Variants in KIFBP observed in about 807,000 individuals in gnomAD.
The protein encoded by KIFBP is KIF-binding protein.
In KIFBP, 46 loss-of-function variants were observed where a neutral mutation model predicts 58.9. The ratio of observed to expected loss-of-function variants is 0.78; its 90% CI spans 0.62 to 1.00. The LOEUF (loss-of-function observed/expected upper bound fraction) is 1.00, where lower values mean the gene tolerates loss of function less well. Among genes scored for constraint, KIFBP ranks in the 50% least tolerant of loss-of-function variants. The probability of loss-of-function intolerance (pLI) is 0.00; values close to 1 mark genes in which losing one functional copy is unlikely to be tolerated. For missense variants in KIFBP, 651 were observed against 752.9 expected (o/e 0.86, Z 1.58); for synonymous variants, 241 against 283.4 (o/e 0.85, Z 1.50).
At chr10:68,992,300 A>G (rs1843358653) in intron 1 of KIFBP, among the ~76,000 whole-genome samples, 1 of 152,112 alleles carries the variant, frequency 6.6e-6, no homozygotes, top group African/African-American at 2.4e-5. Flanking sequence ...GGCCTTTTAA[A>G]AATTTTTGCA....
chr10:69,004,638 G>A (rs1319924758), intron 2 of KIFBP, among the ~76,000 whole-genome samples: 1 of 152,132 alleles, frequency 6.6e-6, no homozygotes, highest in Non-Finnish European at 1.5e-5. Flanking sequence ...CAAGGCAGGT[G>A]GATTGCTTGA....
intron 1 of KIFBP, chr10:68,989,570 C>T: frequency 2.1e-6 from 1 of 481,428 alleles, no homozygotes; most frequent in Non-Finnish European, 3.7e-6. Context: ...CCTCCTACAT[C>T]GTCATGCGCT....
chr10:68,999,618 T>G (rs1025861549), intron 1 of KIFBP: 7 of 152,072 alleles, frequency 4.6e-5, no homozygotes, highest in Admixed American at 2.0e-4. Context: ...CTTACTCACA[T>G]GGTTGTTGGC....
intron 4 of KIFBP, among the ~76,000 whole-genome samples, chr10:69,008,392 ATATAT>A (rs1236821176): frequency 7.1e-4 from 26 of 36,682 alleles, no homozygotes; most frequent in African/African-American, 2.3e-3. Context: ...AAAAAAAAAA[ATATAT>A]ATATATATAT....
rs554399041 is a variant in KIFBP, at chr10:69,004,969, C to T, written c.526-77C>T. On this transcript the variant is annotated intron_variant, in intron 2 of 6. Transcript: ENST00000361983. ...GTATTTGGCTTGTAGAAGTTGATTTCTCCAGGTCCTCCAGAAGAGGGCACT... is the reference window on the plus strand; with the variant it reads ...GTATTTGGCTTGTAGAAGTTGATTTTTCCAGGTCCTCCAGAAGAGGGCACT... 3.1e-6 allele frequency: 3 copies of T among 971,200 alleles called. No homozygotes were observed. The South Asian group carries it at 4.0e-5, about 13-fold the overall frequency. 60.2% of individuals were successfully genotyped at this position (971,200 alleles called of 1,614,324 possible). A position where few individuals can be genotyped will look rare whatever the true frequency, so the allele number is the denominator to read the frequency against.
intron 1 of KIFBP, chr10:68,991,616 C>G (rs1359491068): frequency 6.2e-6 from 2 of 322,834 alleles, no homozygotes. Flanking sequence ...CATCAAGGCT[C>G]CTTGGTCTAC....
At chr10:68,991,579 G>T (rs971844283) in intron 1 of KIFBP, 8 of 404,410 alleles carry the variant, frequency 2.0e-5, no homozygotes, top group African/African-American at 1.5e-4. Context: ...AGGTCATCAC[G>T]TGCAGTACAA....
At chr10:68,995,156 C>CT (rs1305223618) in intron 1 of KIFBP, 1 of 152,106 alleles carries the variant, frequency 6.6e-6, no homozygotes, top group Non-Finnish European at 1.5e-5. Flanking sequence ...GTAGCTGAGA[C>CT]TACAGGGTCA....
rs1843457391 is a variant in KIFBP at position 69,000,656 on chromosome 10, G to T, written c.525+134G>T. 5 of 698,932 alleles carry T rather than the reference G, an allele frequency of 7.2e-6. No homozygotes were observed. The South Asian group carries it at 7.7e-5, about 11-fold the overall frequency. 43.3% of individuals were successfully genotyped at this position (698,932 alleles called of 1,614,324 possible). On this transcript the variant is annotated intron_variant, in intron 2 of 6. Transcript: ENST00000361983. The stretch of plus-strand genomic sequence containing the variant: ...ACTTCTCTATAGAGCCATCTGGGAA[G>T]TCACCTCATAGCTGAAATTATTGCA...
At chr10:69,001,116 A>T (rs1009659091) in intron 2 of KIFBP, among the ~76,000 whole-genome samples, 5 of 152,014 alleles carry the variant, frequency 3.3e-5, no homozygotes, top group Admixed American at 1.3e-4. Flanking sequence ...ATGGTTTTTC[A>T]ATGATTTTTT....
intron 6 of KIFBP, among the ~76,000 whole-genome samples, chr10:69,013,273 CCAAA>C (rs1440308388): frequency 6.6e-6 from 1 of 152,074 alleles, no homozygotes; most frequent in Non-Finnish European, 1.5e-5. Flanking sequence ...CGAAAGAAAA[CCAAA>C]CAAACAAACC....
At chr10:69,003,180 C>A (rs1034208960) in intron 2 of KIFBP, among the ~76,000 whole-genome samples, 1 of 151,976 alleles carries the variant, frequency 6.6e-6, no homozygotes, top group African/African-American at 2.4e-5. Context: ...ACTGATTTGA[C>A]TGTATTAATA....
rs1839013020 is a variant in KIFBP, at chr10:69,016,833, T to G, written c.*417T>G. 2 of 157,480 alleles carry G rather than the reference T, an allele frequency of 1.3e-5. No homozygotes were observed. Among genetic ancestry groups the G allele is most frequent in the Non-Finnish European group, 2.8e-5 (2 of 71,600 alleles). 9.8% of individuals were successfully genotyped at this position (157,480 alleles called of 1,614,324 possible). ...GTTACTCCTTCTAAAATATTTGACT[T>G]CCTAAATTCCCCCCACCCAAAATCT... On this transcript the variant is annotated 3_prime_UTR_variant, in exon 7 of 7. Coordinates refer to ENST00000361983, the MANE Select transcript of KIFBP (RefSeq NM_015634.4).
At chr10:68,990,046 C>T (rs1843322558) in intron 1 of KIFBP, among the ~76,000 whole-genome samples, 1 of 152,146 alleles carries the variant, frequency 6.6e-6, no homozygotes, top group African/African-American at 2.4e-5. Context: ...TCTGCAGCTT[C>T]CTTTCTTACC....
chr10:68,994,929 G>T (rs1394252615), intron 1 of KIFBP, among the ~76,000 whole-genome samples: 2 of 151,606 alleles, frequency 1.3e-5, no homozygotes, highest in Admixed American at 1.3e-4. Context: ...TTAGAGACAG[G>T]GTCTTACTAT....
Position 69,005,815 on chromosome 10 carries a change from A to G in KIFBP, c.689A>G (p.Tyr230Cys), listed in dbSNP as rs1843529356. The part of the protein sequence containing the change: ...HLEMFEKAAH[Y>C]CHSTLKRQLE... ...GAAATGTTTGAGAAGGCTGCTCACTATTGCCATAGTACACTAAAACGCCAG... is the reference window on the plus strand; with the variant it reads ...GAAATGTTTGAGAAGGCTGCTCACTGTTGCCATAGTACACTAAAACGCCAG... Residue 230 changes from tyrosine (Y) to cysteine (C), a missense_variant, in exon 4 of 7, where the codon TAT (tyrosine) becomes TGT (cysteine). Transcript: ENST00000361983. The G allele has an allele frequency of 1.2e-6, 2 of 1,613,962 alleles. No individual in the cohort carries two copies. Among genetic ancestry groups the G allele is most frequent in the South Asian group, 1.1e-5 (1 of 91,082 alleles).
chr10:69,003,828 G>GAAT (rs1166649441), intron 2 of KIFBP, among the ~76,000 whole-genome samples: 4 of 152,094 alleles, frequency 2.6e-5, no homozygotes, highest in Admixed American at 2.6e-4. Context: ...GGTCAGTTTA[G>GAAT]AATACTACTA....
intron 1 of KIFBP, 144 bp downstream of exon 1, chr10:68,989,402 C>T: frequency 1.1e-6 from 1 of 901,730 alleles, no homozygotes; most frequent in Non-Finnish European, 1.7e-6. Flanking sequence ...CAAAGAGCGT[C>T]TGTGGTCTTC....
Position 68,998,757 on chromosome 10 carries a change from G to GTATATATATA in KIFBP, c.427-1661_427-1652dup, listed in dbSNP as rs1554842726. Among the ~76,000 whole-genome samples, 496 of 79,798 alleles carry GTATATATATA rather than the reference G, an allele frequency of 6.2e-3. 7 individuals carry two copies. The highest frequency in any genetic ancestry group is 0.029 in the Middle Eastern group (4 of 136). The allele number at this position is 79,798 out of a possible 152,430, so 52.4% of individuals were successfully genotyped here. ...TACATACATACATACATACATATAT[G>GTATATATATA]TATATATATATATATTTTTTTTTTT... On this transcript the variant is annotated intron_variant, in intron 1 of 6. Transcript: ENST00000361983.
Sources: gnomAD v4.1 joint callset for allele counts (sites outside exome capture counted in the v4.1 genomes callset) on GRCh38, gnomAD v4.1.1 for gene constraint, MANE v1.5 for transcripts, NCBI Gene and HGNC (gene_info 2026-07-23, HGNC 2026-07-21) for gene names.